The following PPP2R1B variants were observed in gnomAD, a reference collection of about 807,000 sequenced individuals.
The protein encoded by PPP2R1B is protein phosphatase 2 scaffold subunit Abeta, also known as serine/threonine-protein phosphatase 2A 65 kDa regulatory subunit A beta isoform.
In PPP2R1B, 58 loss-of-function variants were observed where a neutral mutation model predicts 72.7. That is an observed-to-expected ratio of 0.80 (90% CI 0.65 to 0.99). The LOEUF (loss-of-function observed/expected upper bound fraction) is 0.99, where lower values mean the gene tolerates loss of function less well. Ranked by LOEUF, PPP2R1B falls within the 50% of genes least tolerant of loss-of-function variation. The pLI is 0.00. For missense variants in PPP2R1B, 695 were observed against 733.6 expected (o/e 0.95, Z 0.61); for synonymous variants, 256 against 264.6 (o/e 0.97, Z 0.32).
the PPP2R1B span, among the ~76,000 whole-genome samples, chr11:111,713,036 A>G: frequency 7.9e-5 from 12 of 152,124 alleles, 1 homozygote; most frequent in African/African-American, 2.7e-4. Context: ...GTGGTGGTAC[A>G]CACCTGTAAT....
downstream of PPP2R1B, chr11:111,724,412 G>A (rs1009725183): frequency 2.3e-6 from 1 of 444,146 alleles, no homozygotes. Flanking sequence ...ACTGACAAAT[G>A]TGTTCCTAAG....
At chr11:111,701,030 T>C in the PPP2R1B span, 148 of 1,611,418 alleles carry the variant, frequency 9.2e-5, no homozygotes, top group Non-Finnish European at 1.2e-4. The surrounding 1 kb of genome is among the most constrained non-coding windows in gnomAD (Gnocchi z 4.2). Flanking sequence ...TGCTTTGCTG[T>C]GTTGTTAAAT....
In PPP2R1B at chr11:111,740,487, C is replaced by T; in HGVS notation, c.*1109G>A. The stretch of plus-strand genomic sequence containing the variant: ...CCAAATAGGTGCTTTTTAAAAAGGG[C>T]TTTAATACTGTTTAAGTAGTTCAAA... On this transcript the variant is annotated 3_prime_UTR_variant, in exon 15 of 15. Transcript: ENST00000527614. The T allele has an allele frequency of 1.0e-6, 1 of 985,130 alleles. No homozygotes were observed. The highest frequency in any genetic ancestry group is 1.2e-6 in the Non-Finnish European group (1 of 829,716). 61.0% of individuals were successfully genotyped at this position (985,130 alleles called of 1,614,324 possible). A position where few individuals can be genotyped will look rare whatever the true frequency, so the allele number is the denominator to read the frequency against.
chr11:111,748,117 T>C (rs1944770376), intron 10 of PPP2R1B, 103 bp from the exon 11 acceptor site: 1 of 979,056 alleles, frequency 1.0e-6, no homozygotes, highest in South Asian at 1.5e-5. Flanking sequence ...AAAAAACTTG[T>C]TTCCAAATAA....
Position 111,764,513 on chromosome 11 carries a change from AC to A in PPP2R1B, c.306+291del, listed in dbSNP as rs1207302097. ...CTGCTAGGTGAGAATTAAAACTTCC[AC>A]CATCGCGCGGGGGAACCATAAAAAC... On this transcript the variant is annotated intron_variant, in intron 3 of 14. Transcript: ENST00000527614. 2.0e-5 allele frequency among the ~76,000 whole-genome samples: 3 copies of A among 151,948 alleles called. No individual in the cohort carries two copies. The East Asian group carries it at 5.8e-4, about 29-fold the overall frequency.
chr11:111,756,878 C>T (rs186078345), intron 5 of PPP2R1B, among the ~76,000 whole-genome samples: 39 of 152,252 alleles, frequency 2.6e-4, no homozygotes, highest in African/African-American at 8.9e-4. Flanking sequence ...CTTTGGGAGG[C>T]CGAGGCAGGC....
the PPP2R1B span, among the ~76,000 whole-genome samples, chr11:111,691,196 T>G: frequency 5.3e-5 from 8 of 152,206 alleles, no homozygotes; most frequent in South Asian, 1.7e-3. Context: ...AGGTTTTTGT[T>G]TTGTCTTTTT....
intron 6 of PPP2R1B, 74 bp from the exon 7 acceptor site, chr11:111,755,168 T>A (rs1945056619): frequency 1.3e-6 from 2 of 1,536,804 alleles, no homozygotes; most frequent in East Asian, 2.3e-5. Flanking sequence ...AATTGTGCAA[T>A]CTGTAAATAC....
At chr11:111,716,311 G>T in the PPP2R1B span, among the ~76,000 whole-genome samples, 2 of 152,050 alleles carry the variant, frequency 1.3e-5, no homozygotes, top group South Asian at 2.1e-4. Context: ...GGCCAGGTGC[G>T]GTGGCTTACA....
downstream of PPP2R1B, chr11:111,724,710 CTG>C (rs1943915002): frequency 6.5e-6 from 1 of 154,682 alleles, no homozygotes; most frequent in African/African-American, 2.4e-5. Context: ...GGGGCATGAG[CTG>C]TGTTTCAGGG....
downstream of PPP2R1B, among the ~76,000 whole-genome samples, chr11:111,722,197 T>G (rs899124526): frequency 2.6e-5 from 4 of 152,222 alleles, no homozygotes; most frequent in Non-Finnish European, 4.4e-5. The surrounding 1 kb of genome is among the most constrained non-coding windows in gnomAD (Gnocchi z 4.4). Flanking sequence ...ACGGGAGACC[T>G]GGCTTCTTTC....
At position 111,738,527 on chromosome 11, in the gene PPP2R1B, G is replaced by C. The variant is rs780946584; in HGVS notation, c.*3069C>G. On this transcript the variant is annotated 3_prime_UTR_variant, in exon 15 of 15. Transcript: ENST00000527614. Reference sequence around the variant, plus strand: ...CCCTGGAAGTCTACGCAAGCAACCTGAATGCCTGGACAAGCCAGCTCAAAG... The same window carrying C: ...CCCTGGAAGTCTACGCAAGCAACCTCAATGCCTGGACAAGCCAGCTCAAAG... 2.5e-5 allele frequency: 25 copies of C among 985,358 alleles called. No individual in the cohort carries two copies. In the East Asian group the frequency reaches 3.4e-4, roughly 13 times the overall value. The allele number at this position is 985,358 out of a possible 1,614,324, so 61.0% of individuals were successfully genotyped here.
intron 10 of PPP2R1B, among the ~76,000 whole-genome samples, chr11:111,750,129 C>A (rs1555047439): frequency 6.6e-6 from 1 of 152,202 alleles, no homozygotes; most frequent in South Asian, 2.1e-4. Flanking sequence ...AAGAATCGGA[C>A]ACTTTCAATT....
At chr11:111,747,291 GGGATA>G (rs1412037445) in intron 11 of PPP2R1B, among the ~76,000 whole-genome samples, 1 of 152,132 alleles carries the variant, frequency 6.6e-6, no homozygotes, top group Non-Finnish European at 1.5e-5. Context: ...GGCACACAAG[GGGATA>G]CACACATATA....
intron 13 of PPP2R1B, 96 bp from the exon 14 acceptor site, chr11:111,742,240 G>T: frequency 9.9e-7 from 1 of 1,007,586 alleles, no homozygotes; most frequent in Non-Finnish European, 1.5e-6. Flanking sequence ...AAAATTTAAA[G>T]TAAAAAAATA....
the PPP2R1B span, among the ~76,000 whole-genome samples, chr11:111,717,919 G>A: frequency 6.6e-6 from 1 of 152,232 alleles, no homozygotes; most frequent in Admixed American, 6.5e-5. Context: ...GGCCTGTTAG[G>A]GGGGCAATGG....
chr11:111,717,032 C>T, the PPP2R1B span, among the ~76,000 whole-genome samples: 1 of 152,018 alleles, frequency 6.6e-6, no homozygotes, highest in African/African-American at 2.4e-5. Flanking sequence ...AGCTCAACAG[C>T]GGCCGGGTGT....
chr11:111,730,379 A>G (rs1282782477), intron 15 of PPP2R1B: 1 of 152,184 alleles, frequency 6.6e-6, no homozygotes, highest in South Asian at 2.1e-4. Flanking sequence ...CTTCACCAAA[A>G]TCTCTGAAGG....
At chr11:111,723,383 CAT>C, downstream of PPP2R1B, 1 of 1,188,562 alleles carries the variant, frequency 8.4e-7, no homozygotes, top group Non-Finnish European at 1.2e-6. Context: ...TTTTTGCTGA[CAT>C]GAGAGAGACT....
Sources: gnomAD v4.1 joint callset for allele counts (sites outside exome capture counted in the v4.1 genomes callset) on GRCh38, gnomAD v4.1.1 for gene constraint, Gnocchi (gnomAD v3.1) non-coding constraint, MANE v1.5 for transcripts, NCBI Gene and HGNC (gene_info 2026-07-23, HGNC 2026-07-21) for gene names.